The following PTPRD variants were observed in gnomAD, a reference collection of about 807,000 sequenced individuals.
The protein encoded by PTPRD is protein tyrosine phosphatase receptor type D.
Under a neutral mutation model 214.5 loss-of-function variants are expected in PTPRD, and 34 were observed. The observed-to-expected ratio is 0.16, with a 90% CI of 0.12 to 0.21. The LOEUF (loss-of-function observed/expected upper bound fraction) is 0.21, where lower values mean the gene tolerates loss of function less well. Among genes scored for constraint, PTPRD ranks in the 10% least tolerant of loss-of-function variants. The probability of loss-of-function intolerance (pLI) is 1.00; values close to 1 mark genes in which losing one functional copy is unlikely to be tolerated. For synonymous variants in PTPRD, 1,128 were observed against 845.7 expected, an observed-to-expected ratio of 1.33 and a Z score of -5.79; for missense variants, 2,545 against 2,398.7, an observed-to-expected ratio of 1.06 and a Z score of -1.27.
At chr9:9,840,111 C>A (rs1433829605) in intron 5 of PTPRD, among the ~76,000 whole-genome samples, 2 of 152,042 alleles carry the variant, frequency 1.3e-5, no homozygotes, top group Admixed American at 1.3e-4. Flanking sequence ...GATCTCAGCT[C>A]ACTGCAACTT....
At chr9:8,562,603 A>G (rs1308593290) in intron 14 of PTPRD, among the ~76,000 whole-genome samples, 3 of 151,844 alleles carry the variant, frequency 2.0e-5, no homozygotes, top group Non-Finnish European at 1.5e-5. Context: ...CGCCTGGCTA[A>G]TTTTTACATT....
At chr9:10,077,737 A>G (rs2098157195) in intron 3 of PTPRD, among the ~76,000 whole-genome samples, 1 of 152,094 alleles carries the variant, frequency 6.6e-6, no homozygotes, top group South Asian at 2.1e-4. Flanking sequence ...AATAAGTAAG[A>G]ACCTTTGGTA....
At chr9:9,809,737 T>C (rs1345166783) in intron 5 of PTPRD, among the ~76,000 whole-genome samples, 1 of 152,168 alleles carries the variant, frequency 6.6e-6, no homozygotes, top group South Asian at 2.1e-4. Context: ...AATATGAAGC[T>C]AACACTGACA....
At chr9:8,448,562 G>A (rs1328835149) in intron 34 of PTPRD, among the ~76,000 whole-genome samples, 4 of 152,184 alleles carry the variant, frequency 2.6e-5, no homozygotes, top group East Asian at 1.9e-4. Flanking sequence ...TCATGTACAC[G>A]TTCCCGGTGC....
At chr9:9,755,188 GAA>G (rs2098556592) in intron 6 of PTPRD, among the ~76,000 whole-genome samples, 2 of 151,968 alleles carry the variant, frequency 1.3e-5, no homozygotes, top group African/African-American at 4.8e-5. Context: ...GGAGGCAAAT[GAA>G]AAGAGTACAG....
intron 44 of PTPRD, among the ~76,000 whole-genome samples, chr9:8,324,305 G>A (rs1030306247): frequency 1.8e-4 from 28 of 152,020 alleles, no homozygotes; most frequent in Non-Finnish European, 2.8e-4. Flanking sequence ...CTGCGTCCAC[G>A]TGTTCTCACT....
intron 2 of PTPRD, among the ~76,000 whole-genome samples, chr9:10,486,511 G>C (rs1459318795): frequency 2.0e-5 from 3 of 152,094 alleles, no homozygotes; most frequent in Non-Finnish European, 4.4e-5. Flanking sequence ...TGTTATTTCT[G>C]AGGTCTCTGT....
intron 11 of PTPRD, among the ~76,000 whole-genome samples, chr9:8,964,872 T>C (rs978651073): frequency 6.6e-6 from 1 of 152,138 alleles, no homozygotes; most frequent in African/African-American, 2.4e-5. Context: ...ATCTTTTTGG[T>C]ATTGATTTCT....
chr9:8,649,825 T>C (rs915003110), intron 12 of PTPRD, among the ~76,000 whole-genome samples: 1 of 152,220 alleles, frequency 6.6e-6, no homozygotes, highest in Non-Finnish European at 1.5e-5. Context: ...AAATATTAGA[T>C]GATTCCAATG....
intron 30 of PTPRD, among the ~76,000 whole-genome samples, chr9:8,482,888 T>A (rs2096916956): frequency 6.7e-6 from 1 of 149,270 alleles, no homozygotes; most frequent in South Asian, 2.1e-4. Context: ...TGCCTCCTAT[T>A]TATCCCTTAA....
intron 11 of PTPRD, among the ~76,000 whole-genome samples, chr9:9,005,175 A>C (rs1200430033): frequency 1.3e-5 from 2 of 152,082 alleles, no homozygotes; most frequent in African/African-American, 4.8e-5. Flanking sequence ...GGAGCTTAAT[A>C]ATAAGCCAGG....
intron 6 of PTPRD, among the ~76,000 whole-genome samples, chr9:9,759,804 G>T (rs2098635190): frequency 6.6e-6 from 1 of 151,920 alleles, no homozygotes; most frequent in Non-Finnish European, 1.5e-5. Flanking sequence ...TGATTCCCCT[G>T]CCTCGGGCTC....
rs545355912 is a variant in PTPRD, at chr9:9,641,126, G to A, written c.-286-66345C>T. ...AATGGAAAAATTCAATGGGGCAGAA[G>A]GGAATTGCAATGGGCTTTCTGAACT... On this transcript the variant is annotated intron_variant, in intron 7 of 45. Transcript: ENST00000381196. Among the ~76,000 whole-genome samples, 231 of 97,188 alleles carry A rather than the reference G, an allele frequency of 2.4e-3. 1 individual carries two copies. Among genetic ancestry groups the A allele is most frequent in the African/African-American group, 5.6e-3 (206 of 36,628 alleles). 63.8% of individuals were successfully genotyped at this position (97,188 alleles called of 152,430 possible).
At chr9:8,915,426 T>C (rs567510619) in intron 11 of PTPRD, among the ~76,000 whole-genome samples, 1 of 152,298 alleles carries the variant, frequency 6.6e-6, no homozygotes, top group Non-Finnish European at 1.5e-5. Context: ...CAACGGGGAT[T>C]GTGGACCACT....
intron 11 of PTPRD, among the ~76,000 whole-genome samples, chr9:8,787,904 C>CG (rs2096058683): frequency 1.8e-5 from 1 of 54,558 alleles, no homozygotes; most frequent in Non-Finnish European, 3.0e-5. Context: ...GCATTTTGCA[C>CG]CCTATCACCT....
In PTPRD at chr9:8,420,818, T is replaced by TAAA. The variant is rs372270704; in HGVS notation, c.4086+15771_4086+15773dup. Among the ~76,000 whole-genome samples, 7 of 147,390 alleles carry TAAA rather than the reference T, an allele frequency of 4.7e-5. No homozygotes were observed. The East Asian group carries it at 1.2e-3, about 25-fold the overall frequency. On this transcript the variant is annotated intron_variant, in intron 35 of 45. Coordinates refer to ENST00000381196, the MANE Select transcript of PTPRD (RefSeq NM_002839.4). Reference sequence around the variant, plus strand: ...GATCATTTTTCTTTTTTTTTTTTTTTAAAAAAAGAAAATATAAAGACACTG... The same window carrying TAAA: ...GATCATTTTTCTTTTTTTTTTTTTTTAAAAAAAAAAGAAAATATAAAGACACTG...
intron 3 of PTPRD, among the ~76,000 whole-genome samples, chr9:10,305,469 C>G (rs184749623): frequency 2.2e-3 from 333 of 150,536 alleles, no homozygotes; most frequent in African/African-American, 7.7e-3. Flanking sequence ...AAACTATCAT[C>G]AGAGTGAACA....
At chr9:9,519,522 A>G (rs1262409935) in intron 8 of PTPRD, among the ~76,000 whole-genome samples, 1 of 151,994 alleles carries the variant, frequency 6.6e-6, no homozygotes, top group Non-Finnish European at 1.5e-5. Flanking sequence ...ATAGCTTTTG[A>G]GACTACAGAC....
chr9:8,792,494 C>T (rs2096268968), intron 11 of PTPRD, among the ~76,000 whole-genome samples: 1 of 152,118 alleles, frequency 6.6e-6, no homozygotes, highest in South Asian at 2.1e-4. Flanking sequence ...GCATTCAGTT[C>T]CATTTTTGAG....
Sources: gnomAD v4.1 joint callset for allele counts (sites outside exome capture counted in the v4.1 genomes callset) on GRCh38, gnomAD v4.1.1 for gene constraint, MANE v1.5 for transcripts, NCBI Gene and HGNC (gene_info 2026-07-23, HGNC 2026-07-21) for gene names.